CUL2: variants seen among roughly 807,000 people sequenced by gnomAD.
CUL2 encodes cullin 2.
In CUL2, 22 loss-of-function variants were observed where a neutral mutation model predicts 110.2. The ratio of observed to expected loss-of-function variants is 0.20; its 90% CI spans 0.14 to 0.28. The LOEUF is 0.28. Among genes scored for constraint, CUL2 ranks in the 10% least tolerant of loss-of-function variants. The pLI is 1.00. For synonymous variants in CUL2, 279 were observed against 293.2 expected (o/e 0.95, Z 0.49); for missense variants, 631 against 905.5 (o/e 0.70, Z 3.89).
chr10:35,116,264 A>G (rs1036626146), intron 1 of CUL2, among the ~76,000 whole-genome samples: 3 of 152,066 alleles, frequency 2.0e-5, no homozygotes, highest in Admixed American at 6.5e-5. Flanking sequence ...AATTCCTTGA[A>G]CCTGGGAGGT....
At chr10:35,071,125 C>T in intron 2 of CUL2, 74 bp downstream of exon 2, 2 of 1,437,038 alleles carry the variant, frequency 1.4e-6, no homozygotes, top group South Asian at 2.5e-5. Context: ...TCTTCCATAA[C>T]ATTGAACATG....
At position 35,074,226 on chromosome 10, in the gene CUL2, TA is replaced by T. The variant is rs778184622; in HGVS notation, c.-22-2888del. On this transcript the variant is annotated intron_variant, in intron 1 of 20. Transcript: ENST00000374749. ...AAAGTTGACCATGTTACTCTGTACA[TA>T]AAGTACAAAGTTTGTTGTTTCCTTC... The T allele has an allele frequency of 6.5e-6, 10 of 1,535,204 alleles. No homozygotes were observed. In the South Asian group the frequency reaches 1.1e-4, roughly 16 times the overall value.
In CUL2 at chr10:35,054,416, A is replaced by G. The variant is rs371637614; in HGVS notation, c.423+18T>C. On this transcript the variant is annotated intron_variant, in intron 5 of 20. Coordinates refer to ENST00000374749, the MANE Select transcript of CUL2 (RefSeq NM_003591.4). ...AAAAACATACTTATGTTTGCTAGTC[A>G]CTTAAAGAATGTCCTACCTCTCCTA... The G allele has an allele frequency of 6.0e-6, 8 of 1,324,108 alleles. No homozygotes were observed. In the African/African-American group the frequency reaches 1.2e-4, roughly 20 times the overall value. The allele number at this position is 1,324,108 out of a possible 1,614,324, so 82.0% of individuals were successfully genotyped here.
At chr10:35,061,461 C>CAA (rs11347736) in intron 3 of CUL2, among the ~76,000 whole-genome samples, 38 of 97,346 alleles carry the variant, frequency 3.9e-4, no homozygotes, top group African/African-American at 1.5e-3. Flanking sequence ...CTCTGTCTCC[C>CAA]AAAAAAAAAA....
At position 35,013,691 on chromosome 10, in the gene CUL2, G is replaced by GAC; in HGVS notation, c.1989+7_1989+8insGT. On this transcript the variant is annotated splice_region_variant and intron_variant, in intron 19 of 20. Coordinates refer to ENST00000374749, the MANE Select transcript of CUL2 (RefSeq NM_003591.4). ...CCTCAAAAAAAACTTGACATTAAAA[G>GAC]CACTTACTTGTGGTGTGTCTTTCTG... 6.5e-7 allele frequency: 1 copy of GAC among 1,532,702 alleles called. No individual in the cohort carries two copies. The highest frequency in any genetic ancestry group is 8.9e-7 in the Non-Finnish European group (1 of 1,126,702). 94.9% of individuals were successfully genotyped at this position (1,532,702 alleles called of 1,614,324 possible). A position where few individuals can be genotyped will look rare whatever the true frequency, so the allele number is the denominator to read the frequency against.
intron 16 of CUL2, 67 bp downstream of exon 16, chr10:35,028,743 G>A (rs2085394415): frequency 2.0e-6 from 2 of 1,019,746 alleles, no homozygotes; most frequent in African/African-American, 1.6e-5. Context: ...AAATATTAAA[G>A]GTGATATAAT....
At chr10:35,090,587 C>G (rs923687895), upstream of CUL2, 2 of 152,744 alleles carry the variant, frequency 1.3e-5, no homozygotes, top group Middle Eastern at 3.4e-3. Flanking sequence ...CAACACACAC[C>G]CTCCGGTCTC....
chr10:35,052,835 C>T (rs2086145986), intron 5 of CUL2, among the ~76,000 whole-genome samples: 1 of 149,230 alleles, frequency 6.7e-6, no homozygotes, highest in African/African-American at 2.5e-5. Context: ...GCAGAGCTTG[C>T]AGTGAGCCAA....
At chr10:35,091,051 A>T (rs549955817), upstream of CUL2, among the ~76,000 whole-genome samples, 8 of 152,224 alleles carry the variant, frequency 5.3e-5, no homozygotes, top group Non-Finnish European at 1.2e-4. Context: ...AAGAAACTTC[A>T]CATCTTTTTC....
intron 10 of CUL2, among the ~76,000 whole-genome samples, chr10:35,033,553 G>A (rs565913539): frequency 1.3e-5 from 2 of 151,996 alleles, no homozygotes; most frequent in Non-Finnish European, 2.9e-5. Context: ...TGGCCAACAC[G>A]GTGAAACCCC....
At chr10:35,117,841 A>C (rs1187229409) in intron 1 of CUL2, among the ~76,000 whole-genome samples, 4 of 152,218 alleles carry the variant, frequency 2.6e-5, no homozygotes, top group Non-Finnish European at 2.9e-5. Context: ...TTTTATAACA[A>C]GTATGCTCTT....
At position 35,029,654 on chromosome 10, in the gene CUL2, T is replaced by G. The variant is rs377051760; in HGVS notation, c.1387-14A>C. ...ACCACAGGCTTGCTATAAAAAAGTTTTAGAAAATACATGAATTCAAAAGAA... is the reference window on the plus strand; with the variant it reads ...ACCACAGGCTTGCTATAAAAAAGTTGTAGAAAATACATGAATTCAAAAGAA... On this transcript the variant is annotated splice_polypyrimidine_tract_variant and intron_variant, in intron 14 of 20. Transcript: ENST00000374749. The G allele has an allele frequency of 3.2e-6, 5 of 1,570,326 alleles. No homozygotes were observed. Among genetic ancestry groups the G allele is most frequent in the Non-Finnish European group, 4.3e-6 (5 of 1,163,190 alleles).
chr10:35,103,283 A>C (rs1589063159), intron 1 of CUL2, among the ~76,000 whole-genome samples: 1 of 142,718 alleles, frequency 7.0e-6, no homozygotes, highest in African/African-American at 2.6e-5. Flanking sequence ...GCTGGGACAC[A>C]GGCGCCCGCC....
intron 2 of CUL2, among the ~76,000 whole-genome samples, chr10:35,100,179 A>T (rs930230948): frequency 6.6e-6 from 1 of 152,252 alleles, no homozygotes; most frequent in African/African-American, 2.4e-5. Flanking sequence ...ACCTAAAAAA[A>T]GGTTAGCAAC....
rs1241602003 is a variant in CUL2, at chr10:35,039,776, T to A, written c.715-694A>T. The stretch of plus-strand genomic sequence containing the variant: ...AGGCCAGGGCAAGAGAATCACTTCA[T>A]CCCGGGAGGTGGGGGTTGTAACGAG... On this transcript the variant is annotated intron_variant, in intron 8 of 20. Transcript: ENST00000374749. 2.0e-5 allele frequency among the ~76,000 whole-genome samples: 3 copies of A among 152,098 alleles called. No individual in the cohort carries two copies. In the East Asian group the frequency reaches 5.8e-4, roughly 29 times the overall value.
chr10:35,126,641 T>G (rs938204477), exon 1 of CUL2: 4 of 152,342 alleles, frequency 2.6e-5, no homozygotes, highest in Admixed American at 1.3e-4. Context: ...GCCGTTACTC[T>G]GGCTGACAAG....
At chr10:35,117,428 C>T (rs977762807) in intron 1 of CUL2, among the ~76,000 whole-genome samples, 4 of 152,104 alleles carry the variant, frequency 2.6e-5, no homozygotes, top group Admixed American at 6.5e-5. Flanking sequence ...CAAGGTCTCA[C>T]TATGTTTCCC....
In CUL2 at chr10:35,011,905, A is replaced by G. The variant is rs776161868; in HGVS notation, c.2049T>C (p.Ala683=). Residue 683 remains alanine, a synonymous_variant, in exon 20 of 21, where the codon GCT becomes GCC. Transcript: ENST00000374749. ...DEDRKMYLQA[A]IVRIMKARKV... The stretch of plus-strand genomic sequence containing the variant: ...TTCGTGCTTTCATGATACGAACTAT[A>G]GCAGCTTGGAGATACATTTTCCGGT... 36 of 1,613,884 alleles carry G rather than the reference A, an allele frequency of 2.2e-5. 1 individual carries two copies. In the South Asian group the frequency reaches 4.0e-4, roughly 18 times the overall value.
intron 1 of CUL2, among the ~76,000 whole-genome samples, chr10:35,073,167 CT>C (rs1400065849): frequency 6.6e-6 from 1 of 152,180 alleles, no homozygotes. Context: ...ACCACATCCT[CT>C]TTCCTCAACA....
Sources: gnomAD v4.1 joint callset for allele counts (sites outside exome capture counted in the v4.1 genomes callset) on GRCh38, gnomAD v4.1.1 for gene constraint, MANE v1.5 for transcripts, NCBI Gene and HGNC (gene_info 2026-07-23, HGNC 2026-07-21) for gene names.